ACACA: variants seen among roughly 807,000 people sequenced by gnomAD.
The protein encoded by ACACA is acetyl-CoA carboxylase 1.
In ACACA, 103 loss-of-function variants were observed where a neutral mutation model predicts 296.1. The observed-to-expected ratio is 0.35, with a 90% CI of 0.30 to 0.41. The LOEUF (loss-of-function observed/expected upper bound fraction) is 0.41, where lower values mean the gene tolerates loss of function less well. Among genes scored for constraint, ACACA ranks in the 10% least tolerant of loss-of-function variants. The pLI is 1.00. For missense variants in ACACA, 1,554 were observed against 2,989.7 expected (o/e 0.52, Z 11.20); for synonymous variants, 953 against 1,038.6 (o/e 0.92, Z 1.58).
intron 1 of ACACA, among the ~76,000 whole-genome samples, chr17:37,342,460 C>T (rs1230756051): frequency 0.038 from 3,028 of 80,648 alleles, 60 homozygotes; most frequent in Middle Eastern, 0.074. Flanking sequence ...TATATATATA[C>T]ACACACACAC....
At position 37,257,768 on chromosome 17, in the gene ACACA, A is replaced by G. The variant is rs777640164; in HGVS notation, c.1761T>C (p.His587=). Residue 587 remains histidine (H), a synonymous_variant, in exon 14 of 56, where the codon CAT becomes CAC. Transcript: ENST00000616317. ...YFSVAAAGGL[H]EFADSQFGHC... ...GACCAAACTGAGAATCAGCAAATTC[A>G]TGAAGTCCCCCTGCAGCAGCAACAC... 2 of 1,614,092 alleles carry G rather than the reference A, an allele frequency of 1.2e-6. No individual in the cohort carries two copies. Among genetic ancestry groups the G allele is most frequent in the Admixed American group, 3.3e-5 (2 of 60,004 alleles).
chr17:37,094,306 T>A (rs896498491), intron 54 of ACACA, among the ~76,000 whole-genome samples: 2 of 152,184 alleles, frequency 1.3e-5, no homozygotes, highest in East Asian at 1.9e-4. Context: ...ATTATAGTGC[T>A]CAGTTATATA....
chr17:37,154,575 C>T (rs927766702), intron 43 of ACACA, among the ~76,000 whole-genome samples: 1 of 152,018 alleles, frequency 6.6e-6, no homozygotes, highest in Admixed American at 6.5e-5. Flanking sequence ...CGGCTCACTG[C>T]AACCTCTACC....
chr17:37,321,650 A>G (rs1038296953), intron 3 of ACACA, among the ~76,000 whole-genome samples: 11 of 152,214 alleles, frequency 7.2e-5, no homozygotes, highest in African/African-American at 2.4e-4. Context: ...GGGGAGGGTG[A>G]GGCAGGAGAA....
intron 26 of ACACA, 165 bp from the exon 27 acceptor site, chr17:37,225,270 C>T (rs1251624498): frequency 1.7e-6 from 1 of 598,690 alleles, no homozygotes; most frequent in East Asian, 3.1e-5. Flanking sequence ...TAACATAAAG[C>T]CAGTGCCACC....
At chr17:37,355,321 G>T (rs1315005063) in intron 1 of ACACA, among the ~76,000 whole-genome samples, 1 of 152,078 alleles carries the variant, frequency 6.6e-6, no homozygotes, top group Non-Finnish European at 1.5e-5. Context: ...ACTTTGGGAG[G>T]CCGAAGTGGG....
chr17:37,329,610 C>T (rs2047770880), intron 3 of ACACA, among the ~76,000 whole-genome samples: 1 of 150,010 alleles, frequency 6.7e-6, no homozygotes, highest in South Asian at 2.1e-4. Context: ...CACTGCACTC[C>T]CATTTGGGCG....
At chr17:37,148,121 AG>A (rs1317761623) in intron 45 of ACACA, among the ~76,000 whole-genome samples, 1 of 151,876 alleles carries the variant, frequency 6.6e-6, no homozygotes, top group Non-Finnish European at 1.5e-5. Flanking sequence ...CTATGAGAAC[AG>A]AATTTTTAAA....
chr17:37,323,358 G>A (rs1428121440), intron 3 of ACACA, among the ~76,000 whole-genome samples: 1 of 152,248 alleles, frequency 6.6e-6, no homozygotes, highest in Non-Finnish European at 1.5e-5. Flanking sequence ...ACTTGGGAAG[G>A]CCAAGGCCAG....
chr17:37,334,984 T>TG (rs1404360008), intron 2 of ACACA, among the ~76,000 whole-genome samples: 1 of 152,138 alleles, frequency 6.6e-6, no homozygotes. Flanking sequence ...CTGGAGGACT[T>TG]GGAGGACTCA....
intron 35 of ACACA, among the ~76,000 whole-genome samples, chr17:37,195,037 A>G (rs1038106714): frequency 1.3e-5 from 2 of 152,070 alleles, no homozygotes; most frequent in Non-Finnish European, 2.9e-5. Context: ...ATGGTTTTAT[A>G]TAACCTAGTT....
Position 37,309,880 on chromosome 17 carries a change from C to T in ACACA, c.338+20293G>A, listed in dbSNP as rs556042303. Among the ~76,000 whole-genome samples the T allele has an allele frequency of 3.3e-5, 5 of 151,822 alleles. No individual in the cohort carries two copies. The East Asian group carries it at 7.8e-4, about 24-fold the overall frequency. On this transcript the variant is annotated intron_variant, in intron 3 of 55. Coordinates refer to ENST00000616317, the MANE Select transcript of ACACA (RefSeq NM_198834.3). ...CAGCCTGGGCCACATAGTGAGAACA[C>T]ATCTCTACAAAAAAATTTAAAAATT...
At chr17:37,179,079 A>G (rs2077224036) in intron 41 of ACACA, among the ~76,000 whole-genome samples, 181 bp downstream of exon 41, 1 of 152,226 alleles carries the variant, frequency 6.6e-6, no homozygotes, top group Non-Finnish European at 1.5e-5. Context: ...AAAAAGCAAA[A>G]TCATAATACC....
chr17:37,245,708 ACCCC>A (rs1390220546), intron 19 of ACACA, among the ~76,000 whole-genome samples: 6 of 151,786 alleles, frequency 4.0e-5, no homozygotes, highest in Non-Finnish European at 5.9e-5. Flanking sequence ...TACTTCAAAG[ACCCC>A]CTAAGAGATC....
chr17:37,205,918 T>A (rs2078478170), intron 32 of ACACA, 46 bp from the exon 33 acceptor site: 2 of 1,376,486 alleles, frequency 1.5e-6, no homozygotes, highest in African/African-American at 1.4e-5. Flanking sequence ...GGCTGGCCAA[T>A]ACAGATGCAG....
At chr17:37,358,057 G>GA (rs1365207305) in intron 1 of ACACA, among the ~76,000 whole-genome samples, 3 of 152,164 alleles carry the variant, frequency 2.0e-5, no homozygotes, top group African/African-American at 7.2e-5. Flanking sequence ...AGTAGAAACA[G>GA]AATCAGGAAG....
chr17:37,364,944 T>C (rs2049553549), intron 1 of ACACA, among the ~76,000 whole-genome samples: 2 of 152,208 alleles, frequency 1.3e-5, no homozygotes, highest in South Asian at 2.1e-4. Context: ...CTCCTTTGAA[T>C]TCTTGTAGCA....
rs192880069 is a variant in ACACA at position 37,091,157 on chromosome 17, C to T, written c.6892-2083G>A. The stretch of plus-strand genomic sequence containing the variant: ...CGAGATGCCTGCTTCCAACAATGCT[C>T]AGACACTACACTGGAAAGCCAGCTA... On this transcript the variant is annotated intron_variant, in intron 54 of 55. Transcript: ENST00000616317. Among the ~76,000 whole-genome samples the T allele has an allele frequency of 2.6e-5, 4 of 152,334 alleles. No homozygotes were observed. The East Asian group carries it at 7.7e-4, about 29-fold the overall frequency.
intron 21 of ACACA, among the ~76,000 whole-genome samples, chr17:37,244,144 C>T (rs2145974623): frequency 6.7e-6 from 1 of 149,448 alleles, no homozygotes; most frequent in African/African-American, 2.5e-5. Context: ...GGGCAGATCA[C>T]AAAGTCAGGA....
Sources: allele counts gnomAD v4.1 joint callset (sites outside exome capture counted in the v4.1 genomes callset), GRCh38; gene constraint gnomAD v4.1.1; transcripts MANE v1.5; gene names NCBI Gene and HGNC (gene_info 2026-07-23, HGNC 2026-07-21).